The following OR4C15 variants were observed in gnomAD, a reference collection of about 807,000 sequenced individuals.
The protein encoded by OR4C15 is olfactory receptor 4C15.
For synonymous variants in OR4C15, 216 were observed against 134.0 expected (o/e 1.61, Z -4.22); for missense variants, 697 against 377.5 (o/e 1.85, Z -7.01).
Position 55,554,678 on chromosome 11 carries a change from G to A in OR4C15, c.210G>A (p.Ala70=), listed in dbSNP as rs761163357. The change falls in exon 1 of 1, where the codon GCG becomes GCA. Residue 70 remains alanine (A), a synonymous_variant. Transcript: ENST00000642128. ...TGGGCTTCCTGTCCTTCCTGGATGC[G>A]TGCTTCTCATCTGTCATCACCCCAA... ...FFLGFLSFLD[A]CFSSVITPKM... The A allele has an allele frequency of 2.1e-4, 333 of 1,613,298 alleles. 1 individual carries two copies. Among genetic ancestry groups the A allele is most frequent in the Middle Eastern group, 5.0e-4 (3 of 6,056 alleles).
At position 55,555,187 on chromosome 11, in the gene OR4C15, G is replaced by A; in HGVS notation, c.719G>A (p.Gly240Glu). 2 of 1,613,844 alleles carry A rather than the reference G, an allele frequency of 1.2e-6. No individual in the cohort carries two copies. The highest frequency in any genetic ancestry group is 1.7e-6 in the Non-Finnish European group (2 of 1,179,922). ...EGRWKALSTC[G>E]SHIAVVILFF... ...CGCTGGAAAGCTCTCTCCACCTGTG[G>A]ATCTCACATTGCTGTTGTGATTTTG... The change falls in exon 1 of 1, where the codon GGA becomes GAA. Residue 240 changes from glycine (G) to glutamate (E), a missense_variant. Physicochemically the swap from Gly to Glu is moderately conservative, Grantham distance 98 (BLOSUM62 -2). Transcript: ENST00000642128.
Position 55,554,798 on chromosome 11 carries a change from G to A in OR4C15, c.330G>A (p.Glu110=), listed in dbSNP as rs1315373911. 3 of 1,613,970 alleles carry A rather than the reference G, an allele frequency of 1.9e-6. No individual in the cohort carries two copies. The highest frequency in any genetic ancestry group is 1.1e-5 in the South Asian group (1 of 91,074). ...LFAEHFFAGV[E]VIVLTAMAYD... ...CTGAACACTTCTTTGCTGGGGTGGA[G>A]GTGATTGTCCTCACAGCCATGGCCT... The change falls in exon 1 of 1, where the codon GAG becomes GAA. Residue 110 remains glutamate (E), a synonymous_variant. Transcript: ENST00000642128.
At position 55,554,954 on chromosome 11, in the gene OR4C15, T is replaced by C. The variant is rs1400441219; in HGVS notation, c.486T>C (p.Thr162=). The C allele has an allele frequency of 6.2e-7, 1 of 1,614,000 alleles. No individual in the cohort carries two copies. Among genetic ancestry groups the C allele is most frequent in the African/African-American group, 1.3e-5 (1 of 75,040 alleles). Residue 162 remains threonine (T), a synonymous_variant, in exon 1 of 1, where the codon ACT becomes ACC. Coordinates refer to ENST00000642128, the MANE Select transcript of OR4C15 (RefSeq NM_001001920.3). The stretch of plus-strand genomic sequence containing the variant: ...ATTCCATGATACAAATTCTTTTTAC[T>C]TTCCAGCTTCCCTTTTGTGGCCCCA... ...LLHSMIQILF[T]FQLPFCGPNV...
chr11:55,555,217 T>A lies in OR4C15; in HGVS notation c.749T>A (p.Phe250Tyr), dbSNP rs746819415. ...CACATTGCTGTTGTGATTTTGTTCT[T>A]TGTCCCATGCATATTTGTATATACA... Reference protein sequence around the residue: ...GSHIAVVILFFVPCIFVYTRP... With the variant: ...GSHIAVVILFYVPCIFVYTRP... Residue 250 changes from phenylalanine (F) to tyrosine (Y), a missense_variant, in exon 1 of 1, where the codon TTT becomes TAT. Coordinates refer to ENST00000642128, the MANE Select transcript of OR4C15 (RefSeq NM_001001920.3). 2 of 1,613,968 alleles carry A rather than the reference T, an allele frequency of 1.2e-6. No individual in the cohort carries two copies. The highest frequency in any genetic ancestry group is 1.7e-6 in the Non-Finnish European group (2 of 1,179,940).
chr11:55,555,115 C>G lies in OR4C15; in HGVS notation c.647C>G (p.Ser216Cys). 6.2e-7 allele frequency: 1 copy of G among 1,613,958 alleles called. No individual in the cohort carries two copies. The highest frequency in any genetic ancestry group is 8.5e-7 in the Non-Finnish European group (1 of 1,179,946). The change falls in exon 1 of 1, where the codon TCC becomes TGC. Residue 216 changes from serine (S) to cysteine (C), a missense_variant. By Grantham distance (112) the Ser-to-Cys change is moderately radical. Transcript: ENST00000642128. Reference protein sequence around the residue: ...CIINFSLLLVSYAVILLSLRT... With the variant: ...CIINFSLLLVCYAVILLSLRT... ...ATAAACTTCTCCTTGTTGCTTGTCT[C>G]CTATGCTGTCATCTTGCTCTCTCTG...
Position 55,554,610 on chromosome 11 carries a change from C to A in OR4C15, c.142C>A (p.Leu48Ile), listed in dbSNP as rs370830693. 123 of 1,613,746 alleles carry A rather than the reference C, an allele frequency of 7.6e-5. No individual in the cohort carries two copies. Among genetic ancestry groups the A allele is most frequent in the Non-Finnish European group, 9.2e-5 (109 of 1,179,932 alleles). Residue 48 changes from leucine to isoleucine, a missense_variant, in exon 1 of 1, where the codon CTC (leucine) becomes ATC (isoleucine). Physicochemically the swap from Leu to Ile is conservative, Grantham distance 5 (BLOSUM62 2). Coordinates refer to ENST00000642128, the MANE Select transcript of OR4C15 (RefSeq NM_001001920.3). ...CAACATGCTAATTGTAGTAACCATT[C>A]TCAGCAGCCCTGCTCTTCTGGTGTC... ...GGNMLIVVTILSSPALLVSPM... is the reference protein window; with the variant it reads ...GGNMLIVVTIISSPALLVSPM...
chr11:55,554,630 G>T lies in OR4C15; in HGVS notation c.162G>T (p.Leu54=), dbSNP rs368229744. ...CCATTCTCAGCAGCCCTGCTCTTCT[G>T]GTGTCTCCTATGTACTTCTTCTTGG... The part of the protein sequence containing the change: ...VVTILSSPAL[L]VSPMYFFLGF... The change falls in exon 1 of 1, where the codon CTG becomes CTT. Residue 54 remains leucine (L), a synonymous_variant. Transcript: ENST00000642128. 1.9e-6 allele frequency: 3 copies of T among 1,613,616 alleles called. No individual in the cohort carries two copies. The highest frequency in any genetic ancestry group is 2.5e-6 in the Non-Finnish European group (3 of 1,179,948).
In OR4C15 at chr11:55,554,814, G is replaced by C. The variant is rs755144556; in HGVS notation, c.346G>C (p.Ala116Pro). 6.2e-7 allele frequency: 1 copy of C among 1,613,970 alleles called. No homozygotes were observed. The highest frequency in any genetic ancestry group is 1.7e-5 in the Admixed American group (1 of 59,966). ...FAGVEVIVLTAMAYDRYVAIC... is the reference protein window; with the variant it reads ...FAGVEVIVLTPMAYDRYVAIC... ...TGGGGTGGAGGTGATTGTCCTCACAGCCATGGCCTATGATCGTTATGTGGC... is the reference window on the plus strand; with the variant it reads ...TGGGGTGGAGGTGATTGTCCTCACACCCATGGCCTATGATCGTTATGTGGC... The change falls in exon 1 of 1, where the codon GCC (alanine) becomes CCC (proline). Residue 116 changes from alanine (A) to proline (P), a missense_variant. Coordinates refer to ENST00000642128, the MANE Select transcript of OR4C15 (RefSeq NM_001001920.3).
In OR4C15 at chr11:55,554,675, T is replaced by A; in HGVS notation, c.207T>A (p.Asp69Glu). ...YFFLGFLSFL[D>E]ACFSSVITPK... Reference sequence around the variant, plus strand: ...TCTTGGGCTTCCTGTCCTTCCTGGATGCGTGCTTCTCATCTGTCATCACCC... The same window carrying A: ...TCTTGGGCTTCCTGTCCTTCCTGGAAGCGTGCTTCTCATCTGTCATCACCC... The change falls in exon 1 of 1, where the codon GAT becomes GAA. Residue 69 changes from aspartate (D) to glutamate (E), a missense_variant. Physicochemically the swap from Asp to Glu is conservative, Grantham distance 45. Transcript: ENST00000642128. 1 of 1,613,520 alleles carries A rather than the reference T, an allele frequency of 6.2e-7. No individual in the cohort carries two copies. The highest frequency in any genetic ancestry group is 1.3e-5 in the African/African-American group (1 of 75,026).
chr11:55,555,265 T>C lies in OR4C15; in HGVS notation c.797T>C (p.Leu266Pro), dbSNP rs1170076598. 3 of 1,613,858 alleles carry C rather than the reference T, an allele frequency of 1.9e-6. No homozygotes were observed. The highest frequency in any genetic ancestry group is 2.5e-6 in the Non-Finnish European group (3 of 1,179,950). The change falls in exon 1 of 1, where the codon CTT becomes CCT. Residue 266 changes from leucine to proline, a missense_variant. Physicochemically the swap from Leu to Pro is moderately conservative, Grantham distance 98 (BLOSUM62 -3). Coordinates refer to ENST00000642128, the MANE Select transcript of OR4C15 (RefSeq NM_001001920.3). ...VYTRPPSAFS[L>P]DKMAAIFYII... ...ACACGACCTCCATCTGCTTTTTCCC[T>C]TGACAAAATGGCGGCAATATTTTAT...
In OR4C15 at chr11:55,554,851, C is replaced by G; in HGVS notation, c.383C>G (p.Pro128Arg). ...GATCGTTATGTGGCCATTTGCAAGC[C>G]CTTGCATTACTCTTCTATCATGAAC... ...AYDRYVAICK[P>R]LHYSSIMNRR... The change falls in exon 1 of 1, where the codon CCC (proline) becomes CGC (arginine). Residue 128 changes from proline (P) to arginine (R), a missense_variant. Transcript: ENST00000642128. 2 of 1,613,868 alleles carry G rather than the reference C, an allele frequency of 1.2e-6. No individual in the cohort carries two copies. The highest frequency in any genetic ancestry group is 1.7e-6 in the Non-Finnish European group (2 of 1,179,918).
In OR4C15 at chr11:55,554,789, T is replaced by G; in HGVS notation, c.321T>G (p.Ala107=). 6.2e-7 allele frequency: 1 copy of G among 1,614,000 alleles called. No individual in the cohort carries two copies. Among genetic ancestry groups the G allele is most frequent in the East Asian group, 2.2e-5 (1 of 44,856 alleles). Residue 107 remains alanine (A), a synonymous_variant, in exon 1 of 1, where the codon GCT becomes GCG. Transcript: ENST00000642128. ...AGCTCTTTGCTGAACACTTCTTTGC[T>G]GGGGTGGAGGTGATTGTCCTCACAG... is the stretch of plus-strand genomic sequence containing the variant. The part of the protein sequence containing the change: ...MMQLFAEHFF[A]GVEVIVLTAM...
chr11:55,554,545 T>C lies in OR4C15; in HGVS notation c.77T>C (p.Phe26Ser), dbSNP rs375969746. 4.3e-6 allele frequency: 7 copies of C among 1,613,886 alleles called. No homozygotes were observed. Among genetic ancestry groups the C allele is most frequent in the African/African-American group, 2.7e-5 (2 of 74,912 alleles). The change falls in exon 1 of 1, where the codon TTT becomes TCT. Residue 26 changes from phenylalanine (F) to serine (S), a missense_variant. Phe to Ser is a radical substitution (Grantham distance 155). Coordinates refer to ENST00000642128, the MANE Select transcript of OR4C15 (RefSeq NM_001001920.3). Reference protein sequence around the residue: ...SQNPNVQEIVFVVFLFVYIAT... With the variant: ...SQNPNVQEIVSVVFLFVYIAT... Reference sequence around the variant, plus strand: ...AATCCAAATGTTCAGGAAATAGTATTTGTTGTATTTTTGTTTGTCTACATT... The same window carrying C: ...AATCCAAATGTTCAGGAAATAGTATCTGTTGTATTTTTGTTTGTCTACATT...
Position 55,555,315 on chromosome 11 carries a change from C to A in OR4C15, c.847C>A (p.Pro283Thr), listed in dbSNP as rs770499530. The A allele has an allele frequency of 1.9e-6, 3 of 1,613,706 alleles. No homozygotes were observed. The South Asian group carries it at 3.3e-5, about 18-fold the overall frequency. ...FYIILNPLLN[P>T]LIYTFRNKEV... ...TATCATCTTAAATCCCTTGCTCAAT[C>A]CTTTGATTTACACTTTCAGGAATAA... The change falls in exon 1 of 1, where the codon CCT becomes ACT. Residue 283 changes from proline (P) to threonine (T), a missense_variant. Transcript: ENST00000642128.
Position 55,554,709 on chromosome 11 carries a change from A to AT in OR4C15, c.243dup (p.Val82CysfsTer13). ...CTCATCTGTCATCACCCCAAAGATG[A>AT]TTGTAGACTCCCTCTATGTGACAAA... On this transcript the variant is annotated frameshift_variant, in exon 1 of 1. Transcript: ENST00000642128. LOFTEE classifies it low-confidence loss of function (END_TRUNC). 1 of 1,613,580 alleles carries AT rather than the reference A, an allele frequency of 6.2e-7. No individual in the cohort carries two copies. The highest frequency in any genetic ancestry group is 8.5e-7 in the Non-Finnish European group (1 of 1,179,914).
chr11:55,554,533 A>G lies in OR4C15; in HGVS notation c.65A>G (p.Gln22Arg), dbSNP rs761756464. The change falls in exon 1 of 1, where the codon CAG becomes CGG. Residue 22 changes from glutamine (Q) to arginine (R), a missense_variant. Physicochemically the swap from Gln to Arg is conservative, Grantham distance 43. Coordinates refer to ENST00000642128, the MANE Select transcript of OR4C15 (RefSeq NM_001001920.3). ...GGACTTTCACAGAATCCAAATGTTCAGGAAATAGTATTTGTTGTATTTTTG... is the reference window on the plus strand; with the variant it reads ...GGACTTTCACAGAATCCAAATGTTCGGGAAATAGTATTTGTTGTATTTTTG... The part of the protein sequence containing the change: ...LLGLSQNPNV[Q>R]EIVFVVFLFV... 1 of 1,614,000 alleles carries G rather than the reference A, an allele frequency of 6.2e-7. No individual in the cohort carries two copies. Among genetic ancestry groups the G allele is most frequent in the Non-Finnish European group, 8.5e-7 (1 of 1,179,938 alleles).
chr11:55,554,830 G>C lies in OR4C15; in HGVS notation c.362G>C (p.Arg121Pro), dbSNP rs150813813. The change falls in exon 1 of 1, where the codon CGT becomes CCT. Residue 121 changes from arginine to proline, a missense_variant. Physicochemically the swap from Arg to Pro is moderately radical, Grantham distance 103. Transcript: ENST00000642128. ...GTCCTCACAGCCATGGCCTATGATC[G>C]TTATGTGGCCATTTGCAAGCCCTTG... ...VIVLTAMAYD[R>P]YVAICKPLHY... 4.3e-6 allele frequency: 7 copies of C among 1,613,910 alleles called. No individual in the cohort carries two copies. In the South Asian group the frequency reaches 6.6e-5, roughly 15 times the overall value.
rs2119975562 is a variant in OR4C15, at chr11:55,555,271, A to T, written c.803A>T (p.Lys268Ile). Residue 268 changes from lysine (K) to isoleucine (I), a missense_variant, in exon 1 of 1, where the codon AAA becomes ATA. Transcript: ENST00000642128. ...CCTCCATCTGCTTTTTCCCTTGACA[A>T]AATGGCGGCAATATTTTATATCATC... ...TRPPSAFSLD[K>I]MAAIFYIILN... 1 of 1,613,938 alleles carries T rather than the reference A, an allele frequency of 6.2e-7. No homozygotes were observed. Among genetic ancestry groups the T allele is most frequent in the East Asian group, 2.2e-5 (1 of 44,858 alleles).
chr11:55,555,397 A>G lies in OR4C15; in HGVS notation c.929A>G (p.Glu310Gly). 6.3e-7 allele frequency: 1 copy of G among 1,584,800 alleles called. No individual in the cohort carries two copies. Among genetic ancestry groups the G allele is most frequent in the Non-Finnish European group, 8.5e-7 (1 of 1,169,998 alleles). Reference sequence around the variant, plus strand: ...AACAGACTGATGGTGGTTTCTGATGAGAAAGAAAATATTAAACTTTAAAAA... The same window carrying G: ...AACAGACTGATGGTGGTTTCTGATGGGAAAGAAAATATTAAACTTTAAAAA... ...IWNRLMVVSDEKENIKL is the reference protein window; with the variant it reads ...IWNRLMVVSDGKENIKL The change falls in exon 1 of 1, where the codon GAG (glutamate) becomes GGG (glycine). Residue 310 changes from glutamate (E) to glycine (G), a missense_variant. Transcript: ENST00000642128.
Sources: allele counts gnomAD v4.1 joint callset, GRCh38; gene constraint gnomAD v4.1.1; transcripts MANE v1.5; gene names NCBI Gene and HGNC (gene_info 2026-07-23, HGNC 2026-07-21).